PPARGC1A: variants seen among roughly 807,000 people sequenced by gnomAD.
PPARGC1A encodes the protein PPARG coactivator 1 alpha, also known as peroxisome proliferator-activated receptor gamma coactivator 1-alpha.
PPARGC1A carries 25 observed loss-of-function variants against 88.7 expected under a neutral mutation model. The observed-to-expected ratio is 0.28, with a 90% CI of 0.21 to 0.39. PPARGC1A has a LOEUF of 0.39. Among genes scored for constraint, PPARGC1A ranks in the 10% least tolerant of loss-of-function variants. The probability of loss-of-function intolerance (pLI) is 1.00; values close to 1 mark genes in which losing one functional copy is unlikely to be tolerated. For synonymous variants in PPARGC1A, 363 were observed against 355.6 expected, an observed-to-expected ratio of 1.02 and a Z score of -0.24; for missense variants, 880 against 968.7, an observed-to-expected ratio of 0.91 and a Z score of 1.22.
the PPARGC1A span, among the ~76,000 whole-genome samples, chr4:24,114,266 C>T: frequency 1.3e-5 from 2 of 152,018 alleles, no homozygotes; most frequent in Admixed American, 1.3e-4. Flanking sequence ...GTTAGCTGGG[C>T]ATTCTGGATC....
At chr4:24,005,368 G>A in the PPARGC1A span, among the ~76,000 whole-genome samples, 1 of 152,130 alleles carries the variant, frequency 6.6e-6, no homozygotes, top group Non-Finnish European at 1.5e-5. Context: ...AAGAATGAAA[G>A]TCAGCATGGT....
At chr4:24,164,283 T>C in the PPARGC1A span, among the ~76,000 whole-genome samples, 7 of 151,988 alleles carry the variant, frequency 4.6e-5, no homozygotes, top group African/African-American at 1.7e-4. Flanking sequence ...CTCAGAGTCA[T>C]CAGTTGCTGG....
chr4:24,035,295 T>C, the PPARGC1A span, among the ~76,000 whole-genome samples: 1 of 152,106 alleles, frequency 6.6e-6, no homozygotes, highest in African/African-American at 2.4e-5. Flanking sequence ...ATCCCAGCAC[T>C]TTGGGAGGCT....
chr4:23,819,112 C>A (rs1722523877), intron 7 of PPARGC1A, among the ~76,000 whole-genome samples: 1 of 151,766 alleles, frequency 6.6e-6, no homozygotes, highest in Non-Finnish European at 1.5e-5. Context: ...GTCAAGAGTG[C>A]AGAGGGAAAG....
chr4:24,287,667 A>ACACACAC, the PPARGC1A span, among the ~76,000 whole-genome samples: 2 of 72,516 alleles, frequency 2.8e-5, 1 homozygote, highest in African/African-American at 1.0e-4. Context: ...CACACACACA[A>ACACACAC]CTGCACTCAT....
chr4:24,177,647 A>C, the PPARGC1A span, among the ~76,000 whole-genome samples: 1 of 111,982 alleles, frequency 8.9e-6, no homozygotes, highest in Admixed American at 1.1e-4. Flanking sequence ...AAATAAATAA[A>C]TAAATAAATA....
chr4:24,202,727 C>A, the PPARGC1A span, among the ~76,000 whole-genome samples: 2 of 152,288 alleles, frequency 1.3e-5, no homozygotes, highest in Non-Finnish European at 2.9e-5. Flanking sequence ...TTCTGCCAGG[C>A]CCCTCCAAGC....
At chr4:23,814,650 A>C in intron 7 of PPARGC1A, 45 bp from the exon 8 acceptor site, 1 of 1,426,392 alleles carries the variant, frequency 7.0e-7, no homozygotes, top group Non-Finnish European at 9.4e-7. Context: ...AGAGAAAGAA[A>C]AGAGACAGAG....
At chr4:24,273,346 T>C in the PPARGC1A span, among the ~76,000 whole-genome samples, 1 of 152,344 alleles carries the variant, frequency 6.6e-6, no homozygotes, top group African/African-American at 2.4e-5. Context: ...TCCTGTCGTG[T>C]CTTTCTTTAC....
At chr4:24,471,416 G>A in the PPARGC1A span, among the ~76,000 whole-genome samples, 1 of 152,134 alleles carries the variant, frequency 6.6e-6, no homozygotes, top group Non-Finnish European at 1.5e-5. The surrounding 1 kb of genome is among the most constrained non-coding windows in gnomAD (Gnocchi z 5.4). Flanking sequence ...ACTTCCCCGC[G>A]TAGTTTGGAG....
the PPARGC1A span, among the ~76,000 whole-genome samples, chr4:23,995,985 T>A: frequency 6.6e-6 from 1 of 152,172 alleles, no homozygotes; most frequent in Admixed American, 6.5e-5. Flanking sequence ...ATCCAGAAGA[T>A]TCTCAACAGT....
chr4:23,859,289 G>T (rs932479335), intron 2 of PPARGC1A, among the ~76,000 whole-genome samples: 1 of 152,158 alleles, frequency 6.6e-6, no homozygotes, highest in Non-Finnish European at 1.5e-5. Context: ...AACCCATTCA[G>T]ACACAGAGCC....
the PPARGC1A span, among the ~76,000 whole-genome samples, chr4:24,452,559 C>G: frequency 6.6e-6 from 1 of 152,208 alleles, no homozygotes; most frequent in South Asian, 2.1e-4. Flanking sequence ...CACACATTCA[C>G]CACTCTTTTC....
the PPARGC1A span, among the ~76,000 whole-genome samples, chr4:24,227,278 G>A: frequency 2.0e-5 from 3 of 151,986 alleles, no homozygotes; most frequent in Non-Finnish European, 4.4e-5. Flanking sequence ...GTAGAAACAG[G>A]GTTTCACTGT....
At chr4:24,301,773 A>AG in the PPARGC1A span, among the ~76,000 whole-genome samples, 2 of 152,110 alleles carry the variant, frequency 1.3e-5, no homozygotes, top group Admixed American at 6.5e-5. Context: ...TATACATTGT[A>AG]GGATGACCAG....
the PPARGC1A span, among the ~76,000 whole-genome samples, chr4:24,317,555 T>A: frequency 0.016 from 348 of 22,228 alleles, 2 homozygotes; most frequent in Non-Finnish European, 0.032. Context: ...TTCAGAGGAC[T>A]AAAAAAAAAA....
chr4:23,814,687 T>C, intron 7 of PPARGC1A, 82 bp from the exon 8 acceptor site: 2 of 1,262,354 alleles, frequency 1.6e-6, no homozygotes, highest in Non-Finnish European at 2.1e-6. Flanking sequence ...CGAAGACACA[T>C]GTTTCTAATT....
the PPARGC1A span, among the ~76,000 whole-genome samples, chr4:24,235,315 C>G: frequency 6.6e-6 from 1 of 152,124 alleles, no homozygotes; most frequent in African/African-American, 2.4e-5. Flanking sequence ...TCTTGAAAAC[C>G]TTTACACAAG....
At chr4:24,084,309 A>T in the PPARGC1A span, among the ~76,000 whole-genome samples, 504 of 152,304 alleles carry the variant, frequency 3.3e-3, 5 homozygotes, top group East Asian at 0.023. Context: ...GGTTCAGAAA[A>T]ACTCAAGAAG....
Sources: allele counts gnomAD v4.1 joint callset (sites outside exome capture counted in the v4.1 genomes callset), GRCh38; gene constraint gnomAD v4.1.1; non-coding constraint Gnocchi (gnomAD v3.1); transcripts MANE v1.5; gene names NCBI Gene and HGNC (gene_info 2026-07-23, HGNC 2026-07-21).